The following COL9A2 variants were observed in gnomAD, a reference collection of about 807,000 sequenced individuals.
COL9A2 encodes the protein collagen alpha-2(IX) chain.
In COL9A2, 66 loss-of-function variants were observed where a neutral mutation model predicts 111.6. That is an observed-to-expected ratio of 0.59 (90% CI 0.48 to 0.73). The LOEUF (loss-of-function observed/expected upper bound fraction) is 0.73. Ranked by LOEUF, COL9A2 falls within the 30% of genes least tolerant of loss-of-function variation. COL9A2 has a pLI of 0.00. For synonymous variants in COL9A2, 353 were observed against 364.1 expected, an observed-to-expected ratio of 0.97 and a Z score of 0.35; for missense variants, 881 against 954.1, an observed-to-expected ratio of 0.92 and a Z score of 1.01.
At position 40,311,433 on chromosome 1, in the gene COL9A2, G is replaced by T; in HGVS notation, c.519+67C>A. On this transcript the variant is annotated intron_variant, in intron 10 of 31. Coordinates refer to ENST00000372748, the MANE Select transcript of COL9A2 (RefSeq NM_001852.4). This position sits in a 1 kb window ranked among gnomAD's most constrained non-coding sequence, Gnocchi z 5.1. Reference sequence around the variant, plus strand: ...CTCTCCAGACACCCCCATCTCCGTGGCCCCGCCTCCCCATCTCTGTGGCCC... The same window carrying T: ...CTCTCCAGACACCCCCATCTCCGTGTCCCCGCCTCCCCATCTCTGTGGCCC... 6.3e-7 allele frequency: 1 copy of T among 1,580,030 alleles called. No individual in the cohort carries two copies. The highest frequency in any genetic ancestry group is 8.7e-7 in the Non-Finnish European group (1 of 1,154,114).
At chr1:40,306,506 G>A (rs1160879227) in intron 19 of COL9A2, among the ~76,000 whole-genome samples, 1 of 152,260 alleles carries the variant, frequency 6.6e-6, no homozygotes, top group African/African-American at 2.4e-5. Flanking sequence ...TGGCCACTCA[G>A]TACCCCCACA....
In COL9A2 at chr1:40,307,539, C is replaced by T; in HGVS notation, c.955-40G>A. 1 of 1,611,430 alleles carries T rather than the reference C, an allele frequency of 6.2e-7. No individual in the cohort carries two copies. Among genetic ancestry groups the T allele is most frequent in the South Asian group, 1.1e-5 (1 of 90,878 alleles). On this transcript the variant is annotated intron_variant, in intron 18 of 31. Coordinates refer to ENST00000372748, the MANE Select transcript of COL9A2 (RefSeq NM_001852.4). The surrounding 1 kb of genome is among the most constrained non-coding windows in gnomAD (Gnocchi z 4.8). ...TAACCAAAGATACAAATTAAAGCTC[C>T]AGCCAGAGGGCCATGGCTTCTACCC...
chr1:40,301,029 G>T lies in COL9A2; in HGVS notation c.*153C>A. 1.3e-6 allele frequency: 1 copy of T among 776,348 alleles called. No individual in the cohort carries two copies. The allele number at this position is 776,348 out of a possible 1,614,324, so 48.1% of individuals were successfully genotyped here. A position where few individuals can be genotyped will look rare whatever the true frequency, so the allele number is the denominator to read the frequency against. On this transcript the variant is annotated 3_prime_UTR_variant, in exon 32 of 32. Coordinates refer to ENST00000372748, the MANE Select transcript of COL9A2 (RefSeq NM_001852.4). The stretch of plus-strand genomic sequence containing the variant: ...AGTGCTCTACCTCCCCTTCCCCCAT[G>T]TTTTAGAATTCCTTTTCCTTAGGAC...
chr1:40,305,837 C>T lies in COL9A2; in HGVS notation c.1054-69G>A, dbSNP rs1644021517. On this transcript the variant is annotated intron_variant, in intron 20 of 31. Transcript: ENST00000372748. Reference sequence around the variant, plus strand: ...GGCCCTTGGCCTCAGGGAAACCCAACGAAGCCTAAACAGAGCCTGGAACCA... The same window carrying T: ...GGCCCTTGGCCTCAGGGAAACCCAATGAAGCCTAAACAGAGCCTGGAACCA... The T allele has an allele frequency of 2.2e-5, 31 of 1,422,592 alleles. No individual in the cohort carries two copies. In the South Asian group the frequency reaches 3.1e-4, roughly 14 times the overall value. 88.1% of individuals were successfully genotyped at this position (1,422,592 alleles called of 1,614,324 possible).
rs2228565 is a variant in COL9A2, at chr1:40,310,265, G to A, written c.737C>T (p.Thr246Met). 51,687 of 1,614,028 alleles carry A rather than the reference G, an allele frequency of 0.032. 1,056 individuals carry two copies. The highest frequency in any genetic ancestry group is 0.039 in the Non-Finnish European group (45,585 of 1,179,924). The change falls in exon 14 of 32, where the codon ACG (threonine) becomes ATG (methionine). Residue 246 changes from threonine (T) to methionine (M), a missense_variant and splice_region_variant. Physicochemically the swap from Thr to Met is moderately conservative, Grantham distance 81. Coordinates refer to ENST00000372748, the MANE Select transcript of COL9A2 (RefSeq NM_001852.4). The surrounding 1 kb of genome is among the most constrained non-coding windows in gnomAD (Gnocchi z 4.9). ...TAGAACACCCCAAGATTCACTTACC[G>A]TCTCTCCCTTGGGCCCTGCCATGCC... Reference protein sequence around the residue: ...YPGMAGPKGETGPHGYKGMVG... With the variant: ...YPGMAGPKGEMGPHGYKGMVG...
At position 40,309,972 on chromosome 1, in the gene COL9A2, C is replaced by T; in HGVS notation, c.812G>A (p.Gly271Glu). The change falls in exon 16 of 32, where the codon GGA (glycine) becomes GAA (glutamate). Residue 271 changes from glycine (G) to glutamate (E), a missense_variant. Physicochemically the swap from Gly to Glu is moderately conservative, Grantham distance 98. Coordinates refer to ENST00000372748, the MANE Select transcript of COL9A2 (RefSeq NM_001852.4). The stretch of plus-strand genomic sequence containing the variant: ...CTTCTCCCCAGCTCGGCCTGGCGGT[C>T]CCCTAGGACCTTCCTCACCCTGGCA... ...TGPPGEEGPR[G>E]PPGRAGEKGD... 6.2e-7 allele frequency: 1 copy of T among 1,614,086 alleles called. No individual in the cohort carries two copies. The highest frequency in any genetic ancestry group is 1.1e-5 in the South Asian group (1 of 91,064).
chr1:40,302,832 G>T lies in COL9A2; in HGVS notation c.1604-23C>A. On this transcript the variant is annotated intron_variant, in intron 29 of 31. Transcript: ENST00000372748. This position sits in a 1 kb window ranked among gnomAD's most constrained non-coding sequence, Gnocchi z 4.5. Reference sequence around the variant, plus strand: ...GCTCTGGAGGGAGGGAGGGAGGGAGGGAGAGGGAAGTCTATGAGATGGGTG... The same window carrying T: ...GCTCTGGAGGGAGGGAGGGAGGGAGTGAGAGGGAAGTCTATGAGATGGGTG... The T allele has an allele frequency of 2.0e-6, 3 of 1,510,106 alleles. No individual in the cohort carries two copies. Among genetic ancestry groups the T allele is most frequent in the Non-Finnish European group, 1.8e-6 (2 of 1,118,470 alleles). 93.5% of individuals were successfully genotyped at this position (1,510,106 alleles called of 1,614,324 possible).
chr1:40,316,886 C>T lies in COL9A2; in HGVS notation c.75+237G>A, dbSNP rs1644227575. 6.6e-6 allele frequency among the ~76,000 whole-genome samples: 1 copy of T among 152,162 alleles called. No homozygotes were observed. The highest frequency in any genetic ancestry group is 6.5e-5 in the Admixed American group (1 of 15,288). On this transcript the variant is annotated intron_variant, in intron 1 of 31. Transcript: ENST00000372748. This position sits in a 1 kb window ranked among gnomAD's most constrained non-coding sequence, Gnocchi z 5.5. The stretch of plus-strand genomic sequence containing the variant: ...CTGCCCCACGCTGCCTGTCCCGGGC[C>T]GGGCCGCGCGTCTGGGGACGGGTCC...
rs1644045029 is a variant in COL9A2 at position 40,307,352 on chromosome 1, G to A, written c.1008+94C>T. 1.7e-6 allele frequency: 2 copies of A among 1,197,672 alleles called. No individual in the cohort carries two copies. Among genetic ancestry groups the A allele is most frequent in the Non-Finnish European group, 2.4e-6 (2 of 821,586 alleles). 74.2% of individuals were successfully genotyped at this position (1,197,672 alleles called of 1,614,324 possible). On this transcript the variant is annotated intron_variant, in intron 19 of 31. Transcript: ENST00000372748. The surrounding 1 kb of genome is among the most constrained non-coding windows in gnomAD (Gnocchi z 4.8). Reference sequence around the variant, plus strand: ...CACAGAGTTGGTAACAAGGCAAGAGGTGGTGATTGAGCAAGAGCCCCGGGT... The same window carrying A: ...CACAGAGTTGGTAACAAGGCAAGAGATGGTGATTGAGCAAGAGCCCCGGGT...
chr1:40,301,076 T>G lies in COL9A2; in HGVS notation c.*106A>C. 8.3e-7 allele frequency: 1 copy of G among 1,201,564 alleles called. No individual in the cohort carries two copies. The highest frequency in any genetic ancestry group is 1.2e-6 in the Non-Finnish European group (1 of 822,080). The allele number at this position is 1,201,564 out of a possible 1,614,324, so 74.4% of individuals were successfully genotyped here. On this transcript the variant is annotated 3_prime_UTR_variant, in exon 32 of 32. Transcript: ENST00000372748. ...GGACTCCTGAGTCCCAGACAGAAGG[T>G]CCTGGGGGAGATGGTTTCCTGGACT...
rs968288876 is a variant in COL9A2 at position 40,301,228 on chromosome 1, T to G, written c.2024A>C (p.Tyr675Ser). 1.2e-6 allele frequency: 2 copies of G among 1,614,044 alleles called. No individual in the cohort carries two copies. Among genetic ancestry groups the G allele is most frequent in the South Asian group, 2.2e-5 (2 of 91,078 alleles). Residue 675 changes from tyrosine (Y) to serine (S), a missense_variant, in exon 32 of 32, where the codon TAT (tyrosine) becomes TCT (serine). Coordinates refer to ENST00000372748, the MANE Select transcript of COL9A2 (RefSeq NM_001852.4). ...EPAACLGASA[Y>S]ASARLTEPGS... ...AGGCTCTGTAAGGCGGGCAGAGGCA[T>G]AGGCCGAAGCTCCAAGGCAGGCGGC...
rs1355365456 is a variant in COL9A2 at position 40,302,854 on chromosome 1, G to A, written c.1604-45C>T. 2 of 1,521,510 alleles carry A rather than the reference G, an allele frequency of 1.3e-6. No individual in the cohort carries two copies. Among genetic ancestry groups the A allele is most frequent in the African/African-American group, 2.7e-5 (2 of 72,794 alleles). 94.3% of individuals were successfully genotyped at this position (1,521,510 alleles called of 1,614,324 possible). A position where few individuals can be genotyped will look rare whatever the true frequency, so the allele number is the denominator to read the frequency against. On this transcript the variant is annotated intron_variant, in intron 29 of 31. Transcript: ENST00000372748. The surrounding 1 kb of genome is among the most constrained non-coding windows in gnomAD (Gnocchi z 4.5). ...GAGGGAGAGGGAAGTCTATGAGATGGGTGTCAGCAGTAACACTAGGGGAGG... is the reference window on the plus strand; with the variant it reads ...GAGGGAGAGGGAAGTCTATGAGATGAGTGTCAGCAGTAACACTAGGGGAGG...
At position 40,303,542 on chromosome 1, in the gene COL9A2, T is replaced by C. The variant is rs1429974634; in HGVS notation, c.1536A>G (p.Arg512=). Residue 512 remains arginine, a synonymous_variant, in exon 28 of 32, where the codon AGA becomes AGG. Coordinates refer to ENST00000372748, the MANE Select transcript of COL9A2 (RefSeq NM_001852.4). This position sits in a 1 kb window ranked among gnomAD's most constrained non-coding sequence, Gnocchi z 4.6. The part of the protein sequence containing the change: ...GNRGVPGQPG[R]QGVEGRDATD... Reference sequence around the variant, plus strand: ...GGGCCCGACTCACCTCCACGCCCTGTCTCCCGGGCTGTCCTGGCACGCCTC... The same window carrying C: ...GGGCCCGACTCACCTCCACGCCCTGCCTCCCGGGCTGTCCTGGCACGCCTC... 1 of 1,611,216 alleles carries C rather than the reference T, an allele frequency of 6.2e-7. No homozygotes were observed. The highest frequency in any genetic ancestry group is 8.5e-7 in the Non-Finnish European group (1 of 1,179,356).
rs556517631 is a variant in COL9A2, at chr1:40,311,810, C to T, written c.418-95G>A. The T allele has an allele frequency of 7.6e-7, 1 of 1,308,310 alleles. No homozygotes were observed. Among genetic ancestry groups the T allele is most frequent in the Admixed American group, 1.7e-5 (1 of 58,452 alleles). 81.0% of individuals were successfully genotyped at this position (1,308,310 alleles called of 1,614,324 possible). A position where few individuals can be genotyped will look rare whatever the true frequency, so the allele number is the denominator to read the frequency against. The stretch of plus-strand genomic sequence containing the variant: ...AGGTCCTGCCTCTGCCCTCTCCACC[C>T]TGTCTTCCCGGTCACTTTGTGAGAT... On this transcript the variant is annotated intron_variant, in intron 8 of 31. Transcript: ENST00000372748. This position sits in a 1 kb window ranked among gnomAD's most constrained non-coding sequence, Gnocchi z 5.1.
In COL9A2 at chr1:40,314,177, C is replaced by A; in HGVS notation, c.249+28G>T. 6.2e-7 allele frequency: 1 copy of A among 1,613,630 alleles called. No homozygotes were observed. The highest frequency in any genetic ancestry group is 8.5e-7 in the Non-Finnish European group (1 of 1,179,656). ...GGAGGTCAATTGGCAGAGCCCTACC[C>A]TGCCCCACCCGACACTCAGCTACTC... On this transcript the variant is annotated intron_variant, in intron 4 of 31. Transcript: ENST00000372748. This position sits in a 1 kb window ranked among gnomAD's most constrained non-coding sequence, Gnocchi z 4.1.
chr1:40,303,326 C>T lies in COL9A2; in HGVS notation c.1549-141G>A. On this transcript the variant is annotated intron_variant, in intron 28 of 31. Coordinates refer to ENST00000372748, the MANE Select transcript of COL9A2 (RefSeq NM_001852.4). This position sits in a 1 kb window ranked among gnomAD's most constrained non-coding sequence, Gnocchi z 4.6. ...TCCCAAGCTGAGGAACAGATTGTAC[C>T]TGGGCAGGGCCAAGGGCTTACTTGG... 8.7e-7 allele frequency: 1 copy of T among 1,145,762 alleles called. No homozygotes were observed. Among genetic ancestry groups the T allele is most frequent in the Non-Finnish European group, 1.3e-6 (1 of 787,904 alleles). The allele number at this position is 1,145,762 out of a possible 1,614,324, so 71.0% of individuals were successfully genotyped here.
At position 40,311,423 on chromosome 1, in the gene COL9A2, C is replaced by T. The variant is rs1051682004; in HGVS notation, c.519+77G>A. Reference sequence around the variant, plus strand: ...CCCTCCCCATCTCTCCAGACACCCCCATCTCCGTGGCCCCGCCTCCCCATC... The same window carrying T: ...CCCTCCCCATCTCTCCAGACACCCCTATCTCCGTGGCCCCGCCTCCCCATC... On this transcript the variant is annotated intron_variant, in intron 10 of 31. Transcript: ENST00000372748. The surrounding 1 kb of genome is among the most constrained non-coding windows in gnomAD (Gnocchi z 5.1). The T allele has an allele frequency of 8.2e-6, 13 of 1,589,372 alleles. No individual in the cohort carries two copies. The highest frequency in any genetic ancestry group is 1.0e-5 in the Non-Finnish European group (12 of 1,163,654).
Position 40,307,845 on chromosome 1 carries a change from G to T in COL9A2, c.901-89C>A. The T allele has an allele frequency of 2.1e-6, 3 of 1,407,192 alleles. No homozygotes were observed. The highest frequency in any genetic ancestry group is 3.0e-6 in the Non-Finnish European group (3 of 1,000,806). 87.2% of individuals were successfully genotyped at this position (1,407,192 alleles called of 1,614,324 possible). A position where few individuals can be genotyped will look rare whatever the true frequency, so the allele number is the denominator to read the frequency against. Reference sequence around the variant, plus strand: ...CCCCTGTTCCTCTGAGACAGCTGCAGTGTGCAGGGAGGGAGTGGCTCTGGT... The same window carrying T: ...CCCCTGTTCCTCTGAGACAGCTGCATTGTGCAGGGAGGGAGTGGCTCTGGT... On this transcript the variant is annotated intron_variant, in intron 17 of 31. Coordinates refer to ENST00000372748, the MANE Select transcript of COL9A2 (RefSeq NM_001852.4). This position sits in a 1 kb window ranked among gnomAD's most constrained non-coding sequence, Gnocchi z 4.8.
Position 40,311,634 on chromosome 1 carries a change from G to C in COL9A2, c.471+28C>G. 1 of 1,613,768 alleles carries C rather than the reference G, an allele frequency of 6.2e-7. No homozygotes were observed. The highest frequency in any genetic ancestry group is 8.5e-7 in the Non-Finnish European group (1 of 1,179,696). On this transcript the variant is annotated intron_variant, in intron 9 of 31. Transcript: ENST00000372748. The surrounding 1 kb of genome is among the most constrained non-coding windows in gnomAD (Gnocchi z 5.1). ...GACCCTTCTCCTTCCCCTGCACTTT[G>C]CCATGTCGGGGGTCTGGGGACACTT...
Sources: gnomAD v4.1 joint callset for allele counts (sites outside exome capture counted in the v4.1 genomes callset) on GRCh38, gnomAD v4.1.1 for gene constraint, Gnocchi (gnomAD v3.1) non-coding constraint, MANE v1.5 for transcripts, NCBI Gene and HGNC (gene_info 2026-07-23, HGNC 2026-07-21) for gene names.